Variants in DPYD observed in about 807,000 individuals in gnomAD.
The protein encoded by DPYD is dihydropyrimidine dehydrogenase, also known as dihydropyrimidine dehydrogenase [NADP(+)].
A neutral mutation model predicts 116.2 loss-of-function variants in DPYD; 109 were observed. The observed-to-expected ratio is 0.94, with a 90% CI of 0.80 to 1.10. The LOEUF is 1.10. DPYD is among the 50% of genes least tolerant of loss of function. DPYD has a pLI of 0.00. For missense variants in DPYD, 1,302 were observed against 1,254.5 expected (o/e 1.04, Z -0.57); for synonymous variants, 440 against 432.0 (o/e 1.02, Z -0.23).
intron 18 of DPYD, among the ~76,000 whole-genome samples, chr1:97,297,527 A>C (rs933465375): frequency 6.6e-6 from 1 of 152,224 alleles, no homozygotes; most frequent in Non-Finnish European, 1.5e-5. Context: ...GGAAGAGCTC[A>C]GTGCATAGTG....
At chr1:97,471,447 G>A (rs1677647240) in intron 13 of DPYD, among the ~76,000 whole-genome samples, 1 of 152,068 alleles carries the variant, frequency 6.6e-6, no homozygotes, top group African/African-American at 2.4e-5. Context: ...GTCTAAAACT[G>A]CAACCACACA....
At position 97,211,351 on chromosome 1, in the gene DPYD, C is replaced by G. The variant is rs544863570; in HGVS notation, c.2443-18103G>C. ...AGGTATCCTCCCAGTCACTATCACA[C>G]AGTCTAATTTAAATTCTAAGTTAAT... On this transcript the variant is annotated intron_variant, in intron 19 of 22. Coordinates refer to ENST00000370192, the MANE Select transcript of DPYD (RefSeq NM_000110.4). Among the ~76,000 whole-genome samples, 12 of 152,286 alleles carry G rather than the reference C, an allele frequency of 7.9e-5. No individual in the cohort carries two copies. The South Asian group carries it at 1.9e-3, about 24-fold the overall frequency.
chr1:97,376,231 T>C (rs1019514931), intron 15 of DPYD, among the ~76,000 whole-genome samples: 2 of 152,224 alleles, frequency 1.3e-5, no homozygotes, highest in Admixed American at 6.5e-5. Flanking sequence ...CCTGCATTTA[T>C]ACCCACTATT....
chr1:97,162,546 C>T (rs990219222), intron 20 of DPYD, among the ~76,000 whole-genome samples: 2 of 152,046 alleles, frequency 1.3e-5, no homozygotes, highest in Admixed American at 1.3e-4. Flanking sequence ...ATGAAAATGG[C>T]CATACTGCCC....
intron 13 of DPYD, among the ~76,000 whole-genome samples, chr1:97,464,385 G>A (rs1011556030): frequency 1.3e-5 from 2 of 152,184 alleles, no homozygotes; most frequent in African/African-American, 2.4e-5. Flanking sequence ...AAGTAACGAG[G>A]AGCCAAATGC....
chr1:97,909,842 C>A (rs991378294), intron 1 of DPYD, among the ~76,000 whole-genome samples: 1 of 152,076 alleles, frequency 6.6e-6, no homozygotes, highest in African/African-American at 2.4e-5. Context: ...TTACAGACAT[C>A]CAAAAGTTTA....
rs1422542698 is a variant in DPYD at position 97,556,657 on chromosome 1, C to T, written c.1340-6913G>A. Among the ~76,000 whole-genome samples the T allele has an allele frequency of 2.6e-5, 4 of 151,000 alleles. No homozygotes were observed. In the East Asian group the frequency reaches 7.8e-4, roughly 30 times the overall value. Reference sequence around the variant, plus strand: ...TACTGAGAATGATGATTTCCAATTTCATCCATGTCCCTACAAAAGACATGA... The same window carrying T: ...TACTGAGAATGATGATTTCCAATTTTATCCATGTCCCTACAAAAGACATGA... On this transcript the variant is annotated intron_variant, in intron 11 of 22. Transcript: ENST00000370192.
chr1:97,560,166 TG>T (rs753527460), intron 11 of DPYD, among the ~76,000 whole-genome samples: 80 of 152,168 alleles, frequency 5.3e-4, no homozygotes, highest in Admixed American at 8.5e-4. Flanking sequence ...AAAGAAAGAG[TG>T]CAAAAACAGG....
intron 13 of DPYD, among the ~76,000 whole-genome samples, chr1:97,501,554 G>T (rs761599081): frequency 6.6e-6 from 1 of 151,784 alleles, no homozygotes; most frequent in Non-Finnish European, 1.5e-5. Flanking sequence ...AAACCAAACA[G>T]AAACACATTA....
chr1:97,372,308 C>T (rs1671351364), intron 16 of DPYD, among the ~76,000 whole-genome samples: 1 of 152,146 alleles, frequency 6.6e-6, no homozygotes, highest in African/African-American at 2.4e-5. Context: ...AGAATACTAA[C>T]TCAGCCCCCA....
intron 21 of DPYD, among the ~76,000 whole-genome samples, chr1:97,092,058 A>G (rs573287681): frequency 2.0e-5 from 3 of 152,294 alleles, no homozygotes; most frequent in Non-Finnish European, 4.4e-5. Flanking sequence ...CCCATATGCC[A>G]TTAAACAGGC....
chr1:97,239,046 T>A (rs1365164827), intron 18 of DPYD, among the ~76,000 whole-genome samples: 1 of 152,220 alleles, frequency 6.6e-6, no homozygotes, highest in Admixed American at 6.5e-5. Context: ...CCAAGAACTT[T>A]GCTTTGCATT....
chr1:97,669,630 C>CA (rs1256806796), intron 8 of DPYD, among the ~76,000 whole-genome samples: 1 of 151,986 alleles, frequency 6.6e-6, no homozygotes, highest in Non-Finnish European at 1.5e-5. Flanking sequence ...CACTTAAAGT[C>CA]AAAAAAGCTG....
intron 13 of DPYD, among the ~76,000 whole-genome samples, chr1:97,488,085 G>A (rs6687950): frequency 0.64 from 96,999 of 151,678 alleles, 31,183 homozygotes; most frequent in East Asian, 0.75. Context: ...TGGAATACAA[G>A]TCAGCAAAAA....
chr1:97,757,425 A>G (rs138966542), intron 3 of DPYD, among the ~76,000 whole-genome samples: 2,687 of 152,266 alleles, frequency 0.018, 54 homozygotes, highest in Middle Eastern at 0.065. Context: ...TGGTGACTGA[A>G]GCAGGAGGTG....
intron 16 of DPYD, among the ~76,000 whole-genome samples, chr1:97,337,290 A>T (rs1226025871): frequency 2.0e-5 from 3 of 152,140 alleles, no homozygotes; most frequent in Non-Finnish European, 4.4e-5. Flanking sequence ...CCGAAAGGAG[A>T]AGTTCTTCTA....
intron 16 of DPYD, among the ~76,000 whole-genome samples, chr1:97,327,877 G>A (rs182104724): frequency 6.6e-6 from 1 of 151,956 alleles, no homozygotes; most frequent in South Asian, 2.1e-4. Context: ...TTGATGCTAC[G>A]TGCTGTGTTC....
At chr1:97,776,421 T>G (rs574844940) in intron 3 of DPYD, among the ~76,000 whole-genome samples, 1 of 152,250 alleles carries the variant, frequency 6.6e-6, no homozygotes, top group South Asian at 2.1e-4. Context: ...TTCAGTATGC[T>G]CCAGGATGTT....
At chr1:97,361,449 T>A (rs188058706) in intron 16 of DPYD, among the ~76,000 whole-genome samples, 5 of 152,276 alleles carry the variant, frequency 3.3e-5, no homozygotes, top group Admixed American at 2.0e-4. Context: ...CCGTAACTCA[T>A]CTTATGAGGC....
Sources: gnomAD v4.1 joint callset for allele counts (sites outside exome capture counted in the v4.1 genomes callset) on GRCh38, gnomAD v4.1.1 for gene constraint, MANE v1.5 for transcripts, NCBI Gene and HGNC (gene_info 2026-07-23, HGNC 2026-07-21) for gene names.